ZNF385D: variants seen among roughly 807,000 people sequenced by gnomAD.
ZNF385D encodes zinc finger protein 659.
ZNF385D carries 15 observed loss-of-function variants against 35.8 expected under a neutral mutation model. The ratio of observed to expected loss-of-function variants is 0.42; its 90% CI spans 0.28 to 0.64. ZNF385D has a LOEUF of 0.64. ZNF385D is among the 30% of genes least tolerant of loss of function. The probability of loss-of-function intolerance (pLI) is 0.23; values close to 1 mark genes in which losing one functional copy is unlikely to be tolerated. For synonymous variants in ZNF385D, 212 were observed against 186.8 expected (o/e 1.13, Z -1.10); for missense variants, 474 against 494.6 (o/e 0.96, Z 0.39).
intron 3 of ZNF385D, among the ~76,000 whole-genome samples, chr3:22,160,652 AAAGAT>A (rs1232652175): frequency 6.6e-6 from 1 of 152,162 alleles, no homozygotes; most frequent in African/African-American, 2.4e-5. Flanking sequence ...TGCTAGCAGC[AAAGAT>A]AAGGGCAGCA....
At chr3:22,362,839 CTA>C (rs1696476829) in intron 2 of ZNF385D, among the ~76,000 whole-genome samples, 3 of 152,066 alleles carry the variant, frequency 2.0e-5, no homozygotes, top group Admixed American at 2.0e-4. Context: ...TCTACAACCC[CTA>C]TGTCTACCAG....
intron 3 of ZNF385D, among the ~76,000 whole-genome samples, chr3:22,069,962 A>C (rs947128968): frequency 6.6e-6 from 1 of 152,212 alleles, no homozygotes; most frequent in Non-Finnish European, 1.5e-5. Context: ...GAAAGAAAGC[A>C]AGCTAAGGCA....
intron 3 of ZNF385D, among the ~76,000 whole-genome samples, chr3:21,958,433 G>C (rs1239480431): frequency 6.6e-6 from 1 of 152,044 alleles, no homozygotes; most frequent in African/African-American, 2.4e-5. Context: ...TTCTCCAAAA[G>C]ATCACTATTA....
chr3:21,906,105 C>G (rs990421882), intron 3 of ZNF385D, among the ~76,000 whole-genome samples: 3 of 152,120 alleles, frequency 2.0e-5, no homozygotes, highest in Non-Finnish European at 4.4e-5. Flanking sequence ...CTTCTAAAAC[C>G]CAGCCACACA....
intron 2 of ZNF385D, among the ~76,000 whole-genome samples, chr3:21,602,943 G>C (rs972145214): frequency 6.6e-6 from 1 of 152,068 alleles, no homozygotes; most frequent in Non-Finnish European, 1.5e-5. Flanking sequence ...TAAACCTCCA[G>C]ATAAAAAGAT....
chr3:21,501,173 A>G (rs964376322), intron 4 of ZNF385D, among the ~76,000 whole-genome samples: 58 of 152,120 alleles, frequency 3.8e-4, no homozygotes, highest in African/African-American at 1.3e-3. Context: ...TTTCCGTTCA[A>G]TTTGGGGTCT....
intron 3 of ZNF385D, among the ~76,000 whole-genome samples, chr3:22,077,824 G>A (rs1157106100): frequency 6.6e-6 from 1 of 151,824 alleles, no homozygotes; most frequent in African/African-American, 2.4e-5. Context: ...TTAAGTAATA[G>A]GTGTGTTAGT....
chr3:22,121,695 T>C (rs936500462), intron 3 of ZNF385D, among the ~76,000 whole-genome samples: 8 of 150,428 alleles, frequency 5.3e-5, no homozygotes, highest in African/African-American at 1.7e-4. Flanking sequence ...TTTTAAATAA[T>C]GACAAGTGAG....
chr3:21,718,560 G>A (rs1434284920), intron 1 of ZNF385D, among the ~76,000 whole-genome samples: 1 of 152,178 alleles, frequency 6.6e-6, no homozygotes, highest in Non-Finnish European at 1.5e-5. Flanking sequence ...CAAGGCAGGT[G>A]CCATTATCTC....
At chr3:21,556,209 A>G (rs1443700400) in intron 3 of ZNF385D, among the ~76,000 whole-genome samples, 1 of 151,608 alleles carries the variant, frequency 6.6e-6, no homozygotes, top group Non-Finnish European at 1.5e-5. Flanking sequence ...TTTGCTGTGC[A>G]GAAGCTCTTT....
intron 3 of ZNF385D, among the ~76,000 whole-genome samples, chr3:21,832,623 A>T (rs930002546): frequency 6.6e-6 from 1 of 152,182 alleles, no homozygotes; most frequent in East Asian, 1.9e-4. Flanking sequence ...TGAAATTTGC[A>T]TTATTCAACT....
chr3:22,048,282 T>C (rs1293596648), intron 3 of ZNF385D, among the ~76,000 whole-genome samples: 4 of 152,146 alleles, frequency 2.6e-5, no homozygotes, highest in Non-Finnish European at 4.4e-5. Flanking sequence ...AAGCCTATTT[T>C]TCCTTTTGTT....
chr3:22,223,447 T>C (rs1020637826), intron 2 of ZNF385D, among the ~76,000 whole-genome samples: 1 of 152,068 alleles, frequency 6.6e-6, no homozygotes. Context: ...CTGAACAATA[T>C]GGGATTGAAC....
At chr3:21,554,985 T>G (rs9831866) in intron 3 of ZNF385D, among the ~76,000 whole-genome samples, 2,736 of 152,304 alleles carry the variant, frequency 0.018, 70 homozygotes, top group African/African-American at 0.062. Context: ...ATAAGGCTCT[T>G]TTGCTTTCAT....
intron 2 of ZNF385D, among the ~76,000 whole-genome samples, chr3:21,578,848 T>A (rs944834375): frequency 1.3e-5 from 2 of 152,174 alleles, no homozygotes; most frequent in African/African-American, 2.4e-5. Flanking sequence ...ATTTCAGGAT[T>A]TTTTTCTATT....
chr3:21,760,671 C>T lies in ZNF385D; in HGVS notation c.326-95643G>A, dbSNP rs542369283. On this transcript the variant is annotated intron_variant, in intron 3 of 5. Transcript: ENST00000494108. The stretch of plus-strand genomic sequence containing the variant: ...TATATTATTTTCATGAATACTGATG[C>T]TTAGTGCACTATCAAGAGCAGTACT... Among the ~76,000 whole-genome samples the T allele has an allele frequency of 2.4e-4, 37 of 152,250 alleles. No homozygotes were observed. The South Asian group carries it at 2.9e-3, about 12-fold the overall frequency.
At chr3:21,878,858 C>T (rs1285106606) in intron 3 of ZNF385D, among the ~76,000 whole-genome samples, 1 of 152,000 alleles carries the variant, frequency 6.6e-6, no homozygotes, top group Non-Finnish European at 1.5e-5. Flanking sequence ...ATTTATCAAG[C>T]ACATTTGAAG....
At chr3:21,965,267 A>G (rs1702851249) in intron 3 of ZNF385D, among the ~76,000 whole-genome samples, 1 of 152,222 alleles carries the variant, frequency 6.6e-6, no homozygotes, top group Non-Finnish European at 1.5e-5. Context: ...AGGATTAAAA[A>G]TTAAATAATA....
intron 3 of ZNF385D, among the ~76,000 whole-genome samples, chr3:21,774,774 T>C (rs889041130): frequency 6.6e-6 from 1 of 151,892 alleles, no homozygotes. Flanking sequence ...GTCACTGAAA[T>C]GGGTACTTAG....
Sources: gnomAD v4.1 joint callset for allele counts (sites outside exome capture counted in the v4.1 genomes callset) on GRCh38, gnomAD v4.1.1 for gene constraint, MANE v1.5 for transcripts, NCBI Gene and HGNC (gene_info 2026-07-23, HGNC 2026-07-21) for gene names.